The following OSBPL8 variants were observed in gnomAD, a reference collection of about 807,000 sequenced individuals.
OSBPL8 encodes oxysterol binding protein like 8.
Under a neutral mutation model 125.5 loss-of-function variants are expected in OSBPL8, and 59 were observed. The ratio of observed to expected loss-of-function variants is 0.47; its 90% confidence interval spans 0.38 to 0.58. The LOEUF (loss-of-function observed/expected upper bound fraction) is 0.58, where lower values mean the gene tolerates loss of function less well. Among genes scored for constraint, OSBPL8 ranks in the 20% least tolerant of loss-of-function variants. The pLI, the probability that OSBPL8 is intolerant of heterozygous loss-of-function variation, is 0.00. For missense variants in OSBPL8, 758 were observed against 1,047.8 expected, an observed-to-expected ratio of 0.72 and a Z score of 3.82; for synonymous variants, 330 against 338.9, an observed-to-expected ratio of 0.97 and a Z score of 0.29.
intron 1 of OSBPL8, chr12:76,537,946 G>C (rs1416172654): frequency 6.6e-6 from 1 of 152,156 alleles, no homozygotes; most frequent in Non-Finnish European, 1.5e-5. Context: ...AATAAAGACA[G>C]TAATACTGAC....
rs183070628 is a variant in OSBPL8 at position 76,359,143 on chromosome 12, C to T, written c.2329-332G>A. Among the ~76,000 whole-genome samples, 232 of 152,182 alleles carry T rather than the reference C, an allele frequency of 1.5e-3. 1 individual carries two copies. Among genetic ancestry groups the T allele is most frequent in the Admixed American group, 3.9e-3 (59 of 15,292 alleles). ...CATAAACAAATATGAATATAGATCC[C>T]CCTACCTCTGACTGCACCAGCTATT... is the stretch of plus-strand genomic sequence containing the variant. On this transcript the variant is annotated intron_variant, in intron 21 of 23. Transcript: ENST00000261183.
chr12:76,401,220 A>G (rs1313870897), intron 6 of OSBPL8, among the ~76,000 whole-genome samples: 1 of 152,210 alleles, frequency 6.6e-6, no homozygotes, highest in Non-Finnish European at 1.5e-5. Flanking sequence ...ACCTTCTGGA[A>G]AACACTGTCT....
intron 1 of OSBPL8, chr12:76,536,859 G>A (rs879220158): frequency 1.3e-5 from 2 of 148,400 alleles, no homozygotes; most frequent in Non-Finnish European, 3.0e-5. Context: ...CATCTGACGC[G>A]AACACTCATT....
chr12:76,435,722 G>C (rs897679695), intron 4 of OSBPL8, among the ~76,000 whole-genome samples: 10 of 152,094 alleles, frequency 6.6e-5, no homozygotes, highest in African/African-American at 2.2e-4. Context: ...ACGATTTGTG[G>C]TGGGAAGGGA....
chr12:76,355,352 GAAGAT>G lies in OSBPL8; in HGVS notation c.*532_*536del, dbSNP rs1951944618. On this transcript the variant is annotated 3_prime_UTR_variant, in exon 24 of 24. Transcript: ENST00000261183. ...ATTCATACTTTTTCTTTCTTTCTAA[GAAGAT>G]AATTGAGCTGAGTGCTTTGCAAATG... The G allele has an allele frequency of 1.3e-5, 2 of 152,122 alleles. No homozygotes were observed. Among genetic ancestry groups the G allele is most frequent in the Admixed American group, 6.6e-5 (1 of 15,262 alleles). 9.4% of individuals were successfully genotyped at this position (152,122 alleles called of 1,614,324 possible). A position where few individuals can be genotyped will look rare whatever the true frequency, so the allele number is the denominator to read the frequency against.
chr12:76,422,347 A>G (rs2136503678), intron 4 of OSBPL8, among the ~76,000 whole-genome samples: 1 of 152,294 alleles, frequency 6.6e-6, no homozygotes, highest in Middle Eastern at 3.4e-3. Context: ...GCTCTAAGAG[A>G]AAATATGGAA....
chr12:76,493,756 A>C (rs1878983795), intron 1 of OSBPL8, among the ~76,000 whole-genome samples: 1 of 152,180 alleles, frequency 6.6e-6, no homozygotes, highest in African/African-American at 2.4e-5. Flanking sequence ...CTCTTTTCCA[A>C]GATCAGAGAA....
At chr12:76,475,462 G>T (rs573437567) in intron 2 of OSBPL8, among the ~76,000 whole-genome samples, 1 of 152,282 alleles carries the variant, frequency 6.6e-6, no homozygotes, top group South Asian at 2.1e-4. Flanking sequence ...GACACAGTCT[G>T]TTTTTTCAGG....
intron 2 of OSBPL8, among the ~76,000 whole-genome samples, chr12:76,477,703 T>C (rs1036534561): frequency 6.6e-6 from 1 of 152,142 alleles, no homozygotes; most frequent in African/African-American, 2.4e-5. Flanking sequence ...TTTCTGTTAA[T>C]AATGTATCAA....
At chr12:76,539,629 C>G (rs1233086745) in intron 1 of OSBPL8, among the ~76,000 whole-genome samples, 1 of 152,178 alleles carries the variant, frequency 6.6e-6, no homozygotes, top group African/African-American at 2.4e-5. Context: ...CCCAAACACT[C>G]TTCAAAGACT....
At chr12:76,445,837 T>C (rs983962913) in intron 4 of OSBPL8, among the ~76,000 whole-genome samples, 2 of 152,142 alleles carry the variant, frequency 1.3e-5, no homozygotes, top group East Asian at 3.8e-4. Flanking sequence ...ATTCAGCAAT[T>C]GCACTCCTAG....
chr12:76,532,415 G>C (rs1950369161), intron 1 of OSBPL8, among the ~76,000 whole-genome samples: 1 of 152,000 alleles, frequency 6.6e-6, no homozygotes, highest in Admixed American at 6.6e-5. Flanking sequence ...GTCACACACT[G>C]AATCTATGAA....
chr12:76,473,744 G>GT (rs1414661445), intron 2 of OSBPL8, among the ~76,000 whole-genome samples: 1 of 152,114 alleles, frequency 6.6e-6, no homozygotes, highest in Non-Finnish European at 1.5e-5. Context: ...ATCCCAAACA[G>GT]TAAAAGTAGT....
At chr12:76,519,801 A>G (rs1279639138) in intron 1 of OSBPL8, among the ~76,000 whole-genome samples, 1 of 152,070 alleles carries the variant, frequency 6.6e-6, no homozygotes, top group Non-Finnish European at 1.5e-5. Context: ...TTAAACAACC[A>G]AATCTGCATG....
At position 76,449,961 on chromosome 12, in the gene OSBPL8, A is replaced by C. The variant is rs576220836; in HGVS notation, c.217+890T>G. Among the ~76,000 whole-genome samples, 335 of 151,048 alleles carry C rather than the reference A, an allele frequency of 2.2e-3. 1 individual carries two copies. Among genetic ancestry groups the C allele is most frequent in the Non-Finnish European group, 3.6e-3 (244 of 67,712 alleles). ...AAAGAATATCTATAATTATGTATAA[A>C]CCCCCCCCATATATATATATGCATG... On this transcript the variant is annotated intron_variant, in intron 4 of 23. Transcript: ENST00000261183.
At chr12:76,435,358 T>C (rs1452405748) in intron 4 of OSBPL8, among the ~76,000 whole-genome samples, 2 of 152,086 alleles carry the variant, frequency 1.3e-5, no homozygotes, top group Non-Finnish European at 2.9e-5. Context: ...GTTGAACTCA[T>C]AGATGCACAG....
chr12:76,514,063 C>G (rs1881285341), intron 1 of OSBPL8, among the ~76,000 whole-genome samples: 1 of 152,110 alleles, frequency 6.6e-6, no homozygotes, highest in East Asian at 1.9e-4. Context: ...GTGGTCTTTC[C>G]TTTCTATATT....
chr12:76,402,622 A>G lies in OSBPL8; in HGVS notation c.366+67T>C, dbSNP rs181833285. The G allele has an allele frequency of 2.0e-3, 2,217 of 1,093,890 alleles. 2 individuals are homozygous for G. Among genetic ancestry groups the G allele is most frequent in the Non-Finnish European group, 2.8e-3 (2,059 of 725,638 alleles). The allele number at this position is 1,093,890 out of a possible 1,614,324, so 67.8% of individuals were successfully genotyped here. On this transcript the variant is annotated intron_variant, in intron 6 of 23. Coordinates refer to ENST00000261183, the MANE Select transcript of OSBPL8 (RefSeq NM_020841.5). ...AACACACATATATATTTATCCTATT[A>G]GTCTACTTCCAAACACACATGCAAA...
chr12:76,370,446 C>A (rs567766048), intron 19 of OSBPL8, among the ~76,000 whole-genome samples: 1 of 152,248 alleles, frequency 6.6e-6, no homozygotes, highest in East Asian at 1.9e-4. Flanking sequence ...TATCTATATC[C>A]TACCCATCTA....
Sources: allele counts gnomAD v4.1 joint callset (sites outside exome capture counted in the v4.1 genomes callset), GRCh38; gene constraint gnomAD v4.1.1; transcripts MANE v1.5; gene names NCBI Gene and HGNC (gene_info 2026-07-23, HGNC 2026-07-21).